SCN9A: variants seen among roughly 807,000 people sequenced by gnomAD.
The protein encoded by SCN9A is sodium channel protein type 9 subunit alpha.
A neutral mutation model predicts 187.0 loss-of-function variants in SCN9A; 131 were observed. That is an observed-to-expected ratio of 0.70 (90% confidence interval 0.61 to 0.81). SCN9A has a LOEUF of 0.81. SCN9A is among the 30% of genes least tolerant of loss of function. The pLI, the probability that SCN9A is intolerant of heterozygous loss-of-function variation, is 0.00. For missense variants in SCN9A, 2,252 were observed against 2,396.6 expected, an observed-to-expected ratio of 0.94 and a Z score of 1.26; for synonymous variants, 809 against 808.6, an observed-to-expected ratio of 1.00 and a Z score of -0.01.
At chr2:166,358,165 G>T (rs1048695454) in intron 1 of SCN9A, among the ~76,000 whole-genome samples, 8 of 151,784 alleles carry the variant, frequency 5.3e-5, no homozygotes, top group Non-Finnish European at 1.0e-4. Flanking sequence ...TGCCTCCTGG[G>T]TTCAAGCAGT....
At chr2:166,262,609 C>T (rs1696556640) in intron 17 of SCN9A, among the ~76,000 whole-genome samples, 1 of 152,060 alleles carries the variant, frequency 6.6e-6, no homozygotes, top group East Asian at 2.0e-4. Flanking sequence ...TACTACTACT[C>T]ATTTTCTTGC....
rs1694295119 is a variant in SCN9A, at chr2:166,215,574, G to T, written c.4398+10993C>A. On this transcript the variant is annotated intron_variant, in intron 24 of 26. Coordinates refer to ENST00000642356, the MANE Select transcript of SCN9A (RefSeq NM_001365536.1). ...AAACAATATCTGAAATGAAAGAAGG[G>T]AGACTAACACTGATAACACATAAAT... Among the ~76,000 whole-genome samples the T allele has an allele frequency of 2.6e-5, 4 of 151,820 alleles. No individual in the cohort carries two copies. The South Asian group carries it at 8.3e-4, about 32-fold the overall frequency.
intron 17 of SCN9A, among the ~76,000 whole-genome samples, chr2:166,271,260 AC>A (rs1696971911): frequency 1.3e-5 from 2 of 152,172 alleles, no homozygotes; most frequent in Non-Finnish European, 2.9e-5. Context: ...GAAATAAATA[AC>A]ATTTTGAGAA....
chr2:166,265,872 T>A (rs1382681679), intron 17 of SCN9A, among the ~76,000 whole-genome samples: 1 of 152,034 alleles, frequency 6.6e-6, no homozygotes, highest in Admixed American at 6.6e-5. Context: ...TTTTGAGAAA[T>A]ATCTATTCAG....
intron 1 of SCN9A, among the ~76,000 whole-genome samples, chr2:166,355,579 T>C (rs1431065466): frequency 6.6e-6 from 1 of 152,128 alleles, no homozygotes; most frequent in Non-Finnish European, 1.5e-5. Flanking sequence ...TCTTTTTTTT[T>C]TCTTTTGCCA....
intron 17 of SCN9A, 98 bp from the exon 18 acceptor site, chr2:166,251,983 T>G (rs1696063041): frequency 2.9e-6 from 4 of 1,388,712 alleles, no homozygotes; most frequent in Non-Finnish European, 4.0e-6. Context: ...TGCAAAGTAT[T>G]ATGAAAAAAG....
chr2:166,362,490 T>G (rs1039710259), intron 1 of SCN9A, among the ~76,000 whole-genome samples: 1 of 152,042 alleles, frequency 6.6e-6, no homozygotes, highest in African/African-American at 2.4e-5. Flanking sequence ...ATTTCTTACT[T>G]TCTGCCATTT....
rs748725716 is a variant in SCN9A, at chr2:166,307,002, G to T, written c.331C>A (p.Pro111Thr). The T allele has an allele frequency of 6.2e-7, 1 of 1,611,058 alleles. No individual in the cohort carries two copies. The highest frequency in any genetic ancestry group is 8.5e-7 in the Non-Finnish European group (1 of 1,177,494). ...NATPALYMLS[P>T]FSPLRRISIK... ...GATATTCTTCTTAGAGGACTGAAAGGAGAAAGCATATATAAAGCAGGTGTG... is the reference window on the plus strand; with the variant it reads ...GATATTCTTCTTAGAGGACTGAAAGTAGAAAGCATATATAAAGCAGGTGTG... Residue 111 changes from proline (P) to threonine (T), a missense_variant, in exon 3 of 27, where the codon CCT becomes ACT. Pro to Thr is a conservative substitution (Grantham distance 38). Transcript: ENST00000642356.
intron 17 of SCN9A, among the ~76,000 whole-genome samples, chr2:166,269,531 A>G (rs201288736): frequency 6.6e-6 from 1 of 152,054 alleles, no homozygotes; most frequent in Non-Finnish European, 1.5e-5. Context: ...CTCTGCCTTT[A>G]TAACTGTATA....
Position 166,304,443 on chromosome 2 carries a change from T to C in SCN9A, c.597-114A>G, listed in dbSNP as rs1011323133. On this transcript the variant is annotated intron_variant, in intron 5 of 26. Transcript: ENST00000642356. ...GGCTTCTATTTTAAATGTATAGTTC[T>C]GCAAGTCTTTTTTGCTATCATAACT... The C allele has an allele frequency of 3.8e-5, 32 of 850,022 alleles. No homozygotes were observed. In the Middle Eastern group the frequency reaches 1.1e-3, roughly 29 times the overall value. 52.7% of individuals were successfully genotyped at this position (850,022 alleles called of 1,614,324 possible). A position where few individuals can be genotyped will look rare whatever the true frequency, so the allele number is the denominator to read the frequency against.
chr2:166,374,492 C>T (rs559701154), intron 1 of SCN9A, among the ~76,000 whole-genome samples: 139 of 152,054 alleles, frequency 9.1e-4, no homozygotes, highest in African/African-American at 3.3e-3. Flanking sequence ...TTTAAAAAAT[C>T]TCACCATAAT....
Position 166,305,916 on chromosome 2 carries a change from T to G in SCN9A, c.472A>C (p.Thr158Pro), listed in dbSNP as rs758252419. 1.2e-6 allele frequency: 2 copies of G among 1,612,688 alleles called. No individual in the cohort carries two copies. Among genetic ancestry groups the G allele is most frequent in the Non-Finnish European group, 1.7e-6 (2 of 1,179,254 alleles). Reference sequence around the variant, plus strand: ...TCAAAAGTATATATTCCAGTAAAAGTGTACCTAAACACAAGATTCCATTGG... The same window carrying G: ...TCAAAAGTATATATTCCAGTAAAAGGGTACCTAAACACAAGATTCCATTGG... Reference protein sequence around the residue: ...PPDWTKNVEYTFTGIYTFESL... With the variant: ...PPDWTKNVEYPFTGIYTFESL... The change falls in exon 5 of 27, where the codon ACT (threonine) becomes CCT (proline). Residue 158 changes from threonine to proline, a missense_variant. Physicochemically the swap from Thr to Pro is conservative, Grantham distance 38. Transcript: ENST00000642356.
intron 1 of SCN9A, among the ~76,000 whole-genome samples, chr2:166,322,576 C>T (rs528947505): frequency 3.3e-5 from 5 of 152,180 alleles, no homozygotes; most frequent in South Asian, 2.1e-4. Flanking sequence ...ATAATGAACA[C>T]GTATTCATGG....
chr2:166,224,205 A>T (rs1049622609), intron 24 of SCN9A, among the ~76,000 whole-genome samples: 2 of 152,168 alleles, frequency 1.3e-5, no homozygotes, highest in African/African-American at 4.8e-5. Context: ...CTGAGGAATT[A>T]CTTGTGTGTG....
rs139839644 is a variant in SCN9A, at chr2:166,221,657, C to T, written c.4398+4910G>A. ...AAGTGATCCTCCAGCCTTAGCCTCCCGAGTTGCTGGGATTATAAGCATGAG... is the reference window on the plus strand; with the variant it reads ...AAGTGATCCTCCAGCCTTAGCCTCCTGAGTTGCTGGGATTATAAGCATGAG... On this transcript the variant is annotated intron_variant, in intron 24 of 26. Transcript: ENST00000642356. Among the ~76,000 whole-genome samples, 794 of 152,248 alleles carry T rather than the reference C, an allele frequency of 5.2e-3. 8 individuals carry two copies. Among genetic ancestry groups the T allele is most frequent in the African/African-American group, 0.017 (723 of 41,526 alleles).
intron 1 of SCN9A, among the ~76,000 whole-genome samples, chr2:166,351,675 C>T (rs910420713): frequency 3.9e-5 from 6 of 152,244 alleles, no homozygotes; most frequent in African/African-American, 1.4e-4. Flanking sequence ...TAAGACCATC[C>T]AAGTCATTAG....
At chr2:166,249,716 C>T (rs867822154) in intron 18 of SCN9A, among the ~76,000 whole-genome samples, 1 of 152,052 alleles carries the variant, frequency 6.6e-6, no homozygotes, top group Non-Finnish European at 1.5e-5. Flanking sequence ...TGTATTATAT[C>T]TTATTATAAC....
intron 23 of SCN9A, 54 bp downstream of exon 23, chr2:166,227,616 T>C (rs755868359): frequency 1.1e-4 from 116 of 1,040,196 alleles, no homozygotes; most frequent in Non-Finnish European, 1.5e-4. Context: ...ATCACTGAAA[T>C]AAACTAAGAA....
chr2:166,286,896 A>G (rs1227939343), intron 10 of SCN9A, among the ~76,000 whole-genome samples: 1 of 152,200 alleles, frequency 6.6e-6, no homozygotes, highest in Non-Finnish European at 1.5e-5. Flanking sequence ...ATTAAATATT[A>G]TATGTTAAAG....
Sources: allele counts gnomAD v4.1 joint callset (sites outside exome capture counted in the v4.1 genomes callset), GRCh38; gene constraint gnomAD v4.1.1; transcripts MANE v1.5; gene names NCBI Gene and HGNC (gene_info 2026-07-23, HGNC 2026-07-21).